Variants in TMEM132D observed in about 807,000 individuals in gnomAD.
The protein encoded by TMEM132D is mature OL transmembrane protein.
In TMEM132D, 21 loss-of-function variants were observed where a neutral mutation model predicts 62.3. The ratio of observed to expected loss-of-function variants is 0.34; its 90% CI spans 0.24 to 0.49. TMEM132D has a LOEUF of 0.49. Ranked by LOEUF, TMEM132D falls within the 20% of genes least tolerant of loss-of-function variation. The probability of loss-of-function intolerance (pLI) is 0.99; values close to 1 mark genes in which losing one functional copy is unlikely to be tolerated. For synonymous variants in TMEM132D, 621 were observed against 575.6 expected, an observed-to-expected ratio of 1.08 and a Z score of -1.13; for missense variants, 1,346 against 1,402.8, an observed-to-expected ratio of 0.96 and a Z score of 0.65.
chr12:129,683,727 T>C (rs1020090345), intron 2 of TMEM132D, among the ~76,000 whole-genome samples: 2 of 152,160 alleles, frequency 1.3e-5, no homozygotes, highest in African/African-American at 2.4e-5. Context: ...ACCCAGAATG[T>C]AGTAATGTAC....
At chr12:129,447,910 A>G (rs1873154967) in intron 3 of TMEM132D, among the ~76,000 whole-genome samples, 1 of 152,198 alleles carries the variant, frequency 6.6e-6, no homozygotes, top group Non-Finnish European at 1.5e-5. Flanking sequence ...TATAATCTGC[A>G]AGGTGTCTTT....
intron 2 of TMEM132D, among the ~76,000 whole-genome samples, chr12:129,670,251 A>G (rs113895093): frequency 3.5e-4 from 54 of 152,326 alleles, no homozygotes; most frequent in African/African-American, 1.3e-3. Context: ...AGATGGTAAC[A>G]GTCCTTTCCC....
intron 1 of TMEM132D, among the ~76,000 whole-genome samples, chr12:129,776,788 CAAAAAAAAA>C (rs148740560): frequency 8.8e-5 from 6 of 68,466 alleles, no homozygotes; most frequent in African/African-American, 2.2e-4. Flanking sequence ...TAATGGGCTT[CAAAAAAAAA>C]AAAAAAAAAA....
At chr12:129,896,668 T>A (rs981951554) in intron 1 of TMEM132D, among the ~76,000 whole-genome samples, 1 of 152,160 alleles carries the variant, frequency 6.6e-6, no homozygotes, top group African/African-American at 2.4e-5. Flanking sequence ...AGTTAAACAC[T>A]TTTTTGGAAC....
chr12:129,481,356 G>A (rs989368177), intron 3 of TMEM132D, among the ~76,000 whole-genome samples: 5 of 151,534 alleles, frequency 3.3e-5, no homozygotes, highest in African/African-American at 7.3e-5. Context: ...CCAGCTACTC[G>A]GGAGGCTGAG....
intron 1 of TMEM132D, among the ~76,000 whole-genome samples, chr12:129,839,264 G>A (rs1238768362): frequency 3.3e-5 from 5 of 151,100 alleles, no homozygotes; most frequent in Non-Finnish European, 5.9e-5. Context: ...CGAGCAGCTG[G>A]GATTACAGGT....
intron 3 of TMEM132D, among the ~76,000 whole-genome samples, chr12:129,341,121 T>C (rs1406116024): frequency 6.6e-6 from 1 of 152,198 alleles, no homozygotes; most frequent in East Asian, 1.9e-4. Flanking sequence ...CTTTCCAAAC[T>C]CTTGCGTAGT....
intron 5 of TMEM132D, among the ~76,000 whole-genome samples, chr12:129,144,686 C>CATCTATCT (rs57315485): frequency 1.4e-3 from 218 of 151,424 alleles, no homozygotes; most frequent in African/African-American, 3.7e-3. Flanking sequence ...GCTTATCTAT[C>CATCTATCT]ATCTATCTAT....
At chr12:129,646,280 G>C (rs1323264381) in intron 2 of TMEM132D, among the ~76,000 whole-genome samples, 1 of 152,120 alleles carries the variant, frequency 6.6e-6, no homozygotes, top group African/African-American at 2.4e-5. Flanking sequence ...CCACCTTTCA[G>C]CAGGTATTAT....
intron 4 of TMEM132D, among the ~76,000 whole-genome samples, chr12:129,289,753 T>C (rs1307420457): frequency 1.3e-5 from 2 of 152,160 alleles, no homozygotes; most frequent in African/African-American, 4.8e-5. Context: ...AGCACCTTCC[T>C]GCAGTCCCAG....
rs116102105 is a variant in TMEM132D, at chr12:129,278,634, C to G, written c.1299+59000G>C. Among the ~76,000 whole-genome samples the G allele has an allele frequency of 3.9e-3, 597 of 152,254 alleles. 7 individuals are homozygous for G. Among genetic ancestry groups the G allele is most frequent in the African/African-American group, 0.013 (554 of 41,542 alleles). Reference sequence around the variant, plus strand: ...GAAATGACTGCCGTTCAAATGAGGTCCCTCCAGCATTAAGAACTTCTGTGG... The same window carrying G: ...GAAATGACTGCCGTTCAAATGAGGTGCCTCCAGCATTAAGAACTTCTGTGG... On this transcript the variant is annotated intron_variant, in intron 4 of 8. Transcript: ENST00000422113.
chr12:129,404,465 G>A (rs1428353932), intron 3 of TMEM132D, among the ~76,000 whole-genome samples: 1 of 152,216 alleles, frequency 6.6e-6, no homozygotes, highest in Non-Finnish European at 1.5e-5. Context: ...CCAAAGTGCT[G>A]GGATTACAGG....
intron 5 of TMEM132D, among the ~76,000 whole-genome samples, chr12:129,170,907 G>A (rs1475095513): frequency 6.6e-6 from 1 of 152,162 alleles, no homozygotes; most frequent in African/African-American, 2.4e-5. Flanking sequence ...GAGGTTGATG[G>A]CTGCTGGCTG....
chr12:129,554,634 T>C (rs1362422426), intron 2 of TMEM132D, among the ~76,000 whole-genome samples: 1 of 152,176 alleles, frequency 6.6e-6, no homozygotes. Context: ...TACTGTCACC[T>C]CTTACACAGA....
chr12:129,332,533 A>G (rs1566036072), intron 4 of TMEM132D, among the ~76,000 whole-genome samples: 1 of 149,586 alleles, frequency 6.7e-6, no homozygotes, highest in Non-Finnish European at 1.5e-5. Flanking sequence ...GACAACAGCC[A>G]CAACTGTGCT....
intron 1 of TMEM132D, among the ~76,000 whole-genome samples, chr12:129,823,381 G>C (rs1259474603): frequency 6.6e-6 from 1 of 152,256 alleles, no homozygotes; most frequent in Non-Finnish European, 1.5e-5. Flanking sequence ...TAGAAGAAAA[G>C]CAGGTGTCCT....
At chr12:129,485,397 C>A (rs975546699) in intron 3 of TMEM132D, among the ~76,000 whole-genome samples, 6 of 152,194 alleles carry the variant, frequency 3.9e-5, no homozygotes, top group African/African-American at 1.2e-4. Flanking sequence ...CAGGAAAAAT[C>A]ACAGGCACTT....
intron 3 of TMEM132D, among the ~76,000 whole-genome samples, chr12:129,374,967 T>G (rs576594468): frequency 7.9e-5 from 12 of 152,254 alleles, no homozygotes; most frequent in Admixed American, 7.8e-4. Context: ...CGTCCCTACC[T>G]GGCACCCTCC....
chr12:129,601,007 G>A (rs1315906975), intron 2 of TMEM132D, among the ~76,000 whole-genome samples: 1 of 151,682 alleles, frequency 6.6e-6, no homozygotes, highest in Non-Finnish European at 1.5e-5. Flanking sequence ...CTCTAGCTAT[G>A]AAAGTCCTAG....
Sources: allele counts gnomAD v4.1 joint callset (sites outside exome capture counted in the v4.1 genomes callset), GRCh38; gene constraint gnomAD v4.1.1; transcripts MANE v1.5; gene names NCBI Gene and HGNC (gene_info 2026-07-23, HGNC 2026-07-21).